MCF2L2: variants seen among roughly 807,000 people sequenced by gnomAD.
MCF2L2 encodes the protein MCF.2 cell line derived transforming sequence-like 2.
A neutral mutation model predicts 150.2 loss-of-function variants in MCF2L2; 102 were observed. The ratio of observed to expected loss-of-function variants is 0.68; its 90% CI spans 0.58 to 0.80. The LOEUF (loss-of-function observed/expected upper bound fraction) is 0.80. MCF2L2 is among the 30% of genes least tolerant of loss of function. The pLI is 0.00. For missense variants in MCF2L2, 1,256 were observed against 1,372.8 expected (o/e 0.91, Z 1.34); for synonymous variants, 465 against 491.3 (o/e 0.95, Z 0.71).
intron 2 of MCF2L2, among the ~76,000 whole-genome samples, chr3:183,387,451 T>G (rs780881967): frequency 1.3e-5 from 2 of 152,176 alleles, no homozygotes; most frequent in Non-Finnish European, 2.9e-5. Context: ...TATTCCTGAC[T>G]CAATGGTGGC....
At chr3:183,239,590 G>A (rs184307076) in intron 15 of MCF2L2, among the ~76,000 whole-genome samples, 208 of 41,592 alleles carry the variant, frequency 5.0e-3, no homozygotes, top group African/African-American at 0.018. Context: ...CCCCTTCCCC[G>A]CCTCCCCGCC....
intron 11 of MCF2L2, chr3:183,297,388 C>G (rs541907157): frequency 2.6e-5 from 13 of 494,748 alleles, no homozygotes; most frequent in Non-Finnish European, 4.7e-5. Context: ...TCAGGGAAGT[C>G]ACTCGGTCAG....
At position 183,228,327 on chromosome 3, in the gene MCF2L2, A is replaced by G. The variant is rs1237841620; in HGVS notation, c.2085T>C (p.Pro695=). The change falls in exon 18 of 30, where the codon CCT becomes CCC. Residue 695 remains proline, a synonymous_variant. Coordinates refer to ENST00000328913, the MANE Select transcript of MCF2L2 (RefSeq NM_015078.4). ...LKELEKCAEN[P]ELLAHCFLKR... ...TGAGAAAGCAATGTGCCAGAAGTTC[A>G]GGGTTCTCAGCACACTTTTCCAACT... 6.2e-7 allele frequency: 1 copy of G among 1,613,362 alleles called. No individual in the cohort carries two copies. The highest frequency in any genetic ancestry group is 8.5e-7 in the Non-Finnish European group (1 of 1,179,536).
chr3:183,427,947 G>C lies in MCF2L2; in HGVS notation c.31C>G (p.Pro11Ala), dbSNP rs774928082. ...GCCAGTCGCCGGGTGAGCTCCTGGG[G>C]AGGCATCTCTTCTTTTAAGCAAGAC... is the stretch of plus-strand genomic sequence containing the variant. Reference protein sequence around the residue: MLSCLKEEMPPQELTRRLATV... With the variant: MLSCLKEEMPAQELTRRLATV... The change falls in exon 1 of 30, where the codon CCC becomes GCC. Residue 11 changes from proline to alanine, a missense_variant. Coordinates refer to ENST00000328913, the MANE Select transcript of MCF2L2 (RefSeq NM_015078.4). The C allele has an allele frequency of 6.2e-7, 1 of 1,613,740 alleles. No homozygotes were observed. The highest frequency in any genetic ancestry group is 8.5e-7 in the Non-Finnish European group (1 of 1,179,886).
At chr3:183,264,429 GA>G in intron 15 of MCF2L2, among the ~76,000 whole-genome samples, 1 of 152,202 alleles carries the variant, frequency 6.6e-6, no homozygotes, top group South Asian at 2.1e-4. Flanking sequence ...TTGTCTGTGG[GA>G]ACTATGCTTT....
intron 11 of MCF2L2, chr3:183,298,172 A>G (rs1010375221): frequency 6.6e-6 from 1 of 152,204 alleles, no homozygotes; most frequent in Non-Finnish European, 1.5e-5. Context: ...ATGAGTTCTA[A>G]TTATTCAATT....
chr3:183,288,988 T>G (rs1260909863), intron 14 of MCF2L2, 132 bp downstream of exon 14: 5 of 584,198 alleles, frequency 8.6e-6, no homozygotes, highest in Non-Finnish European at 1.5e-5. Flanking sequence ...CCCCAGTTCT[T>G]GAAAGCATTA....
chr3:183,356,992 G>C (rs1711826108), intron 3 of MCF2L2, among the ~76,000 whole-genome samples: 1 of 152,148 alleles, frequency 6.6e-6, no homozygotes, highest in East Asian at 1.9e-4. Context: ...AAAATGTATA[G>C]AAGAGTTTTT....
At chr3:183,376,206 T>C (rs989471690) in intron 3 of MCF2L2, 1 of 152,274 alleles carries the variant, frequency 6.6e-6, no homozygotes, top group South Asian at 2.1e-4. Context: ...ATCTGTGAGA[T>C]AGGGGTGATA....
chr3:183,270,353 T>C lies in MCF2L2; in HGVS notation c.1862+6519A>G. 1 of 1,614,198 alleles carries C rather than the reference T, an allele frequency of 6.2e-7. No individual in the cohort carries two copies. Among genetic ancestry groups the C allele is most frequent in the South Asian group, 1.1e-5 (1 of 91,086 alleles). Reference sequence around the variant, plus strand: ...GTTGGGCAAATACCTATTGTCCACATGCCAAATTTCTTATGACTGCTGATG... The same window carrying C: ...GTTGGGCAAATACCTATTGTCCACACGCCAAATTTCTTATGACTGCTGATG... On this transcript the variant is annotated intron_variant, in intron 15 of 29. Coordinates refer to ENST00000328913, the MANE Select transcript of MCF2L2 (RefSeq NM_015078.4). This position sits in a 1 kb window ranked among gnomAD's most constrained non-coding sequence, Gnocchi z 4.5.
intron 21 of MCF2L2, among the ~76,000 whole-genome samples, chr3:183,218,418 C>A (rs752594938): frequency 1.3e-5 from 2 of 152,078 alleles, no homozygotes; most frequent in Non-Finnish European, 2.9e-5. Context: ...GGGAGTGGAT[C>A]ACGAGGTCAC....
At chr3:183,382,729 T>C (rs1713607191) in intron 2 of MCF2L2, among the ~76,000 whole-genome samples, 1 of 152,198 alleles carries the variant, frequency 6.6e-6, no homozygotes, top group Admixed American at 6.5e-5. Context: ...ACTTTACTCC[T>C]CCTACTATGA....
At position 183,181,921 on chromosome 3, in the gene MCF2L2, AG is replaced by A. The variant is rs1721537094; in HGVS notation, c.3017-1763del. Among the ~76,000 whole-genome samples the A allele has an allele frequency of 6.6e-6, 1 of 152,180 alleles. No homozygotes were observed. On this transcript the variant is annotated intron_variant, in intron 27 of 29. Coordinates refer to ENST00000328913, the MANE Select transcript of MCF2L2 (RefSeq NM_015078.4). This position sits in a 1 kb window ranked among gnomAD's most constrained non-coding sequence, Gnocchi z 4.3. ...CAAGCTCTAGCCCCTCCGCAGGGTA[AG>A]TGGTACCTCCAGGTAAAATGATTAG... is the stretch of plus-strand genomic sequence containing the variant.
chr3:183,267,944 T>C lies in MCF2L2; in HGVS notation c.1862+8928A>G, dbSNP rs900806781. The stretch of plus-strand genomic sequence containing the variant: ...GGAATGCCTACCAGGGGTCACACAC[T>C]GAGCTGGATGCTGAGTGTAGGGTGT... On this transcript the variant is annotated intron_variant, in intron 15 of 29. Transcript: ENST00000328913. This position sits in a 1 kb window ranked among gnomAD's most constrained non-coding sequence, Gnocchi z 5.5. 3.9e-5 allele frequency among the ~76,000 whole-genome samples: 6 copies of C among 152,198 alleles called. No homozygotes were observed. The highest frequency in any genetic ancestry group is 2.0e-4 in the Admixed American group (3 of 15,286).
chr3:183,320,778 G>A (rs1171773402), intron 6 of MCF2L2, among the ~76,000 whole-genome samples: 1 of 152,156 alleles, frequency 6.6e-6, no homozygotes, highest in African/African-American at 2.4e-5. Context: ...TCACAACTAG[G>A]CGAACTGGCT....
At chr3:183,232,766 G>T (rs1576944504) in intron 15 of MCF2L2, among the ~76,000 whole-genome samples, 1 of 152,092 alleles carries the variant, frequency 6.6e-6, no homozygotes, top group African/African-American at 2.4e-5. Context: ...TTCAACGAAG[G>T]CATATTTTAA....
intron 10 of MCF2L2, among the ~76,000 whole-genome samples, chr3:183,300,647 G>C (rs1353185601): frequency 2.0e-5 from 3 of 152,146 alleles, no homozygotes; most frequent in Admixed American, 1.3e-4. Flanking sequence ...TGAGGAGAGT[G>C]GGGGGTGAGC....
intron 15 of MCF2L2, among the ~76,000 whole-genome samples, chr3:183,260,638 C>T (rs1305178867): frequency 1.3e-5 from 2 of 152,026 alleles, no homozygotes; most frequent in Non-Finnish European, 2.9e-5. Context: ...CTGTCTTTAC[C>T]CATTTGTTCA....
chr3:183,414,030 T>C (rs541454662), intron 1 of MCF2L2, among the ~76,000 whole-genome samples: 15 of 152,318 alleles, frequency 9.8e-5, no homozygotes, highest in Admixed American at 2.6e-4. Flanking sequence ...ATTTAGCCTA[T>C]AGTTTGCTTT....
Sources: allele counts gnomAD v4.1 joint callset (sites outside exome capture counted in the v4.1 genomes callset), GRCh38; gene constraint gnomAD v4.1.1; non-coding constraint Gnocchi (gnomAD v3.1); transcripts MANE v1.5; gene names NCBI Gene and HGNC (gene_info 2026-07-23, HGNC 2026-07-21).